The following UBE2QL1 variants were observed in gnomAD, a reference collection of about 807,000 sequenced individuals.
UBE2QL1 encodes ubiquitin-conjugating enzyme E2Q-like protein 1.
A neutral mutation model predicts 12.6 loss-of-function variants in UBE2QL1; 5 were observed. That is an observed-to-expected ratio of 0.40 (90% CI 0.21 to 0.83). UBE2QL1 has a LOEUF of 0.83. UBE2QL1 is among the 40% of genes least tolerant of loss of function. UBE2QL1 has a pLI of 0.37. For synonymous variants in UBE2QL1, 96 were observed against 94.5 expected (o/e 1.02, Z -0.10); for missense variants, 99 against 222.6 (o/e 0.44, Z 3.53).
intron 1 of UBE2QL1, among the ~76,000 whole-genome samples, chr5:6,449,868 A>ACCCCCC (rs5865654): frequency 8.5e-6 from 1 of 117,178 alleles, no homozygotes; most frequent in African/African-American, 3.4e-5. Context: ...CACCTCCCCA[A>ACCCCCC]CCCCCCCCAC....
rs186714660 is a variant in UBE2QL1, at chr5:6,479,519, A to C, written c.355-11699A>C. Among the ~76,000 whole-genome samples the C allele has an allele frequency of 2.6e-4, 39 of 152,246 alleles. No homozygotes were observed. Among genetic ancestry groups the C allele is most frequent in the Non-Finnish European group, 2.2e-4 (15 of 68,026 alleles). On this transcript the variant is annotated intron_variant, in intron 1 of 1. Transcript: ENST00000399816. The surrounding 1 kb of genome is among the most constrained non-coding windows in gnomAD (Gnocchi z 4.2). ...GCCAAGTCCAAGGAGTAAAATGTTGAAGCAAATGAAGAGGTGCTGATGTCT... is the reference window on the plus strand; with the variant it reads ...GCCAAGTCCAAGGAGTAAAATGTTGCAGCAAATGAAGAGGTGCTGATGTCT...
Position 6,495,044 on chromosome 5 carries a change from T to G in UBE2QL1, c.*3695T>G, listed in dbSNP as rs532818646. ...GAAAGATTTCATGGAGTAAATCAGG[T>G]TTGAGCCATGGCTGGGCAAAGGGAA... is the stretch of plus-strand genomic sequence containing the variant. On this transcript the variant is annotated 3_prime_UTR_variant, in exon 2 of 2. Transcript: ENST00000399816. The G allele has an allele frequency of 3.3e-5, 5 of 152,260 alleles. No individual in the cohort carries two copies. In the East Asian group the frequency reaches 9.7e-4, roughly 29 times the overall value. The allele number at this position is 152,260 out of a possible 1,614,324, so 9.4% of individuals were successfully genotyped here. A position where few individuals can be genotyped will look rare whatever the true frequency, so the allele number is the denominator to read the frequency against.
At chr5:6,490,038 A>G (rs765578362) in intron 1 of UBE2QL1, among the ~76,000 whole-genome samples, 3 of 152,244 alleles carry the variant, frequency 2.0e-5, no homozygotes, top group Admixed American at 6.5e-5. Context: ...AAGCTCAGCC[A>G]GTTCTTTCCA....
chr5:6,452,376 A>G (rs1006372755), intron 1 of UBE2QL1, among the ~76,000 whole-genome samples: 4 of 152,176 alleles, frequency 2.6e-5, no homozygotes, highest in Non-Finnish European at 4.4e-5. Context: ...GATATATTCT[A>G]TGTAGAAATA....
In UBE2QL1 at chr5:6,491,213, C is replaced by T. The variant is rs144384884; in HGVS notation, c.355-5C>T. 2.2e-4 allele frequency: 337 copies of T among 1,541,506 alleles called. 1 individual carries two copies. The African/African-American group carries it at 3.7e-3, about 17-fold the overall frequency. On this transcript the variant is annotated splice_region_variant and splice_polypyrimidine_tract_variant and intron_variant, in intron 1 of 1. Coordinates refer to ENST00000399816, the MANE Select transcript of UBE2QL1 (RefSeq NM_001145161.3). ...TAACCTGGTTTTTCTTCTCATCTCA[C>T]GCAGGGACGGATCTGTAGAAAAGCT...
At chr5:6,485,799 A>G (rs1392851974) in intron 1 of UBE2QL1, among the ~76,000 whole-genome samples, 1 of 152,244 alleles carries the variant, frequency 6.6e-6, no homozygotes. Flanking sequence ...TGCAAAGAAA[A>G]GGAATGAGAG....
intron 1 of UBE2QL1, among the ~76,000 whole-genome samples, chr5:6,454,942 G>T (rs1579286122): frequency 6.6e-6 from 1 of 152,198 alleles, no homozygotes; most frequent in East Asian, 1.9e-4. Context: ...AGTAGGGCAG[G>T]CAGGAGGACA....
At position 6,478,353 on chromosome 5, in the gene UBE2QL1, G is replaced by A. The variant is rs539487364; in HGVS notation, c.355-12865G>A. On this transcript the variant is annotated intron_variant, in intron 1 of 1. Transcript: ENST00000399816. This position sits in a 1 kb window ranked among gnomAD's most constrained non-coding sequence, Gnocchi z 4.5. ...CATGGCTTGGAAAGAGACCACAGCCGTGAACTGCCACCATCAAGCGCAAAG... is the reference window on the plus strand; with the variant it reads ...CATGGCTTGGAAAGAGACCACAGCCATGAACTGCCACCATCAAGCGCAAAG... 6.6e-6 allele frequency among the ~76,000 whole-genome samples: 1 copy of A among 152,226 alleles called. No individual in the cohort carries two copies. The highest frequency in any genetic ancestry group is 2.4e-5 in the African/African-American group (1 of 41,452).
At chr5:6,449,339 C>T (rs574158677) in intron 1 of UBE2QL1, 92 bp downstream of exon 1, 136 of 1,178,014 alleles carry the variant, frequency 1.2e-4, no homozygotes, top group Non-Finnish European at 1.4e-4. Context: ...GGGCCAGCGC[C>T]GGCCCCTCCG....
chr5:6,479,817 G>A lies in UBE2QL1; in HGVS notation c.355-11401G>A, dbSNP rs1734321795. 6.6e-6 allele frequency among the ~76,000 whole-genome samples: 1 copy of A among 152,186 alleles called. No homozygotes were observed. Among genetic ancestry groups the A allele is most frequent in the Non-Finnish European group, 1.5e-5 (1 of 68,032 alleles). On this transcript the variant is annotated intron_variant, in intron 1 of 1. Coordinates refer to ENST00000399816, the MANE Select transcript of UBE2QL1 (RefSeq NM_001145161.3). This position sits in a 1 kb window ranked among gnomAD's most constrained non-coding sequence, Gnocchi z 4.2. ...TCATCTCGGGACAGAGACTCACCAGGGAGGTCACCCACCCTGTTCACCACG... is the reference window on the plus strand; with the variant it reads ...TCATCTCGGGACAGAGACTCACCAGAGAGGTCACCCACCCTGTTCACCACG...
At chr5:6,458,178 T>A (rs760449527) in intron 1 of UBE2QL1, among the ~76,000 whole-genome samples, 1 of 152,254 alleles carries the variant, frequency 6.6e-6, no homozygotes, top group African/African-American at 2.4e-5. Context: ...ATTGAAGGAA[T>A]GTCTACCTTA....
intron 1 of UBE2QL1, among the ~76,000 whole-genome samples, chr5:6,457,959 A>G (rs770304845): frequency 6.6e-6 from 1 of 152,240 alleles, no homozygotes; most frequent in Non-Finnish European, 1.5e-5. Context: ...CGTTGGACAA[A>G]TATATTGGCC....
At position 6,491,264 on chromosome 5, in the gene UBE2QL1, G is replaced by A. The variant is rs1430240147; in HGVS notation, c.401G>A (p.Arg134His). The A allele has an allele frequency of 5.2e-6, 8 of 1,551,560 alleles. No individual in the cohort carries two copies. Among genetic ancestry groups the A allele is most frequent in the Middle Eastern group, 3.3e-4 (2 of 5,990 alleles). ...KAGKSKKSFS[R>H]KEAEATFKSL... ...GGCAAATCAAAAAAGTCCTTCAGTC[G>A]CAAGGAAGCTGAAGCTACCTTTAAG... Residue 134 changes from arginine to histidine, a missense_variant, in exon 2 of 2, where the codon CGC (arginine) becomes CAC (histidine). Transcript: ENST00000399816.
chr5:6,475,403 C>T (rs907792029), intron 1 of UBE2QL1, among the ~76,000 whole-genome samples: 2 of 110,306 alleles, frequency 1.8e-5, no homozygotes, highest in African/African-American at 5.2e-5. Flanking sequence ...ACAGAGATCC[C>T]GAATTTGCTT....
chr5:6,493,363 A>G lies in UBE2QL1; in HGVS notation c.*2014A>G, dbSNP rs1734613460. 6.6e-6 allele frequency: 1 copy of G among 152,226 alleles called. No individual in the cohort carries two copies. The highest frequency in any genetic ancestry group is 2.4e-5 in the African/African-American group (1 of 41,454). 9.4% of individuals were successfully genotyped at this position (152,226 alleles called of 1,614,324 possible). A position where few individuals can be genotyped will look rare whatever the true frequency, so the allele number is the denominator to read the frequency against. On this transcript the variant is annotated 3_prime_UTR_variant, in exon 2 of 2. Coordinates refer to ENST00000399816, the MANE Select transcript of UBE2QL1 (RefSeq NM_001145161.3). ...CCTTTCTAAATATTTTCCTCTTCTA[A>G]TGAAAACTAAAAGCAGCTTTACTTT...
chr5:6,462,900 A>C (rs1739704839), intron 1 of UBE2QL1, among the ~76,000 whole-genome samples: 1 of 152,252 alleles, frequency 6.6e-6, no homozygotes, highest in Admixed American at 6.5e-5. Context: ...GTTTGGTCTT[A>C]ACAAAAATAA....
intron 1 of UBE2QL1, among the ~76,000 whole-genome samples, chr5:6,472,533 G>T (rs1221608170): frequency 6.6e-6 from 1 of 152,068 alleles, no homozygotes; most frequent in African/African-American, 2.4e-5. Context: ...CTGATGACTG[G>T]GATCTGGACA....
chr5:6,471,038 T>C (rs953571408), intron 1 of UBE2QL1, among the ~76,000 whole-genome samples: 4 of 152,250 alleles, frequency 2.6e-5, no homozygotes, highest in Non-Finnish European at 4.4e-5. Context: ...ATATTTTCTA[T>C]TTTATTCAGG....
chr5:6,464,279 A>G (rs886150029), intron 1 of UBE2QL1, among the ~76,000 whole-genome samples: 13 of 152,238 alleles, frequency 8.5e-5, no homozygotes, highest in African/African-American at 2.9e-4. Flanking sequence ...TTCCCAATAC[A>G]TGAGTGTTTT....
Sources: allele counts gnomAD v4.1 joint callset (sites outside exome capture counted in the v4.1 genomes callset), GRCh38; gene constraint gnomAD v4.1.1; non-coding constraint Gnocchi (gnomAD v3.1); transcripts MANE v1.5; gene names NCBI Gene and HGNC (gene_info 2026-07-23, HGNC 2026-07-21).